The following PELO variants were observed in gnomAD, a reference collection of about 807,000 sequenced individuals.
PELO encodes protein pelota homolog.
A neutral mutation model predicts 25.9 loss-of-function variants in PELO; 19 were observed. The observed-to-expected ratio is 0.73, with a 90% CI of 0.51 to 1.08. The LOEUF is 1.08. PELO is among the 50% of genes least tolerant of loss of function. PELO has a pLI of 0.00. For missense variants in PELO, 498 were observed against 491.4 expected (o/e 1.01, Z -0.13); for synonymous variants, 196 against 192.2 (o/e 1.02, Z -0.16).
chr5:52,801,133 T>A lies in PELO; in HGVS notation c.726+13T>A. ...CAAATTTCTTCAGGTAAAACAATCT[T>A]ACCCAGGGATAATTAAGAATGGGCA... On this transcript the variant is annotated intron_variant, in intron 2 of 2. Coordinates refer to ENST00000274311, the MANE Select transcript of PELO (RefSeq NM_015946.5). 4 of 1,578,414 alleles carry A rather than the reference T, an allele frequency of 2.5e-6. No individual in the cohort carries two copies. The highest frequency in any genetic ancestry group is 1.8e-5 in the Admixed American group (1 of 56,470).
At chr5:52,798,382 C>T (rs935550223) in intron 1 of PELO, among the ~76,000 whole-genome samples, 3 of 138,060 alleles carry the variant, frequency 2.2e-5, no homozygotes, top group Admixed American at 7.5e-5. Context: ...GGGACCTTTC[C>T]GTCCCCTGAT....
chr5:52,801,799 C>A lies in PELO; in HGVS notation c.1117C>A (p.Leu373Ile), dbSNP rs1748494253. Residue 373 changes from leucine to isoleucine, a missense_variant, in exon 3 of 3, where the codon CTT (leucine) becomes ATT (isoleucine). Physicochemically the swap from Leu to Ile is conservative, Grantham distance 5. Transcript: ENST00000274311. ...AAILRFPVPE[L>I]SDQEGDSSSE... The stretch of plus-strand genomic sequence containing the variant: ...CATTCTCCGCTTCCCTGTTCCCGAA[C>A]TTTCTGACCAAGAGGGTGATTCCAG... 6.2e-7 allele frequency: 1 copy of A among 1,612,998 alleles called. No homozygotes were observed. Among genetic ancestry groups the A allele is most frequent in the Admixed American group, 1.7e-5 (1 of 59,952 alleles).
Position 52,788,313 on chromosome 5 carries a change from G to A in PELO, c.-612G>A. On this transcript the variant is annotated 5_prime_UTR_variant, in exon 1 of 3. Transcript: ENST00000274311. ...CAGCTCCCGCGCCCGGTCCTGCCCT[G>A]CGAACCAGCGCGGCCCCCTGGCGCT... 1.4e-6 allele frequency: 2 copies of A among 1,475,090 alleles called. No homozygotes were observed. The highest frequency in any genetic ancestry group is 1.8e-6 in the Non-Finnish European group (2 of 1,116,500). 91.4% of individuals were successfully genotyped at this position (1,475,090 alleles called of 1,614,324 possible).
intron 1 of PELO, among the ~76,000 whole-genome samples, chr5:52,793,576 T>C (rs1042020381): frequency 1.3e-5 from 2 of 152,062 alleles, no homozygotes; most frequent in African/African-American, 2.4e-5. Flanking sequence ...ATCAATAATA[T>C]ACAGTGTATG....
intron 1 of PELO, among the ~76,000 whole-genome samples, chr5:52,799,009 G>A (rs528357461): frequency 6.6e-5 from 10 of 152,096 alleles, no homozygotes; most frequent in South Asian, 2.1e-4. Flanking sequence ...CCTTCCACAC[G>A]CCTATGCCAA....
chr5:52,797,460 G>C (rs1252956003), intron 1 of PELO, among the ~76,000 whole-genome samples: 1 of 150,190 alleles, frequency 6.7e-6, no homozygotes, highest in Non-Finnish European at 1.5e-5. Context: ...AGGCTGGACA[G>C]AAGGAAAAAA....
Position 52,800,491 on chromosome 5 carries a change from G to C in PELO, c.97G>C (p.Val33Leu). 1 of 1,614,106 alleles carries C rather than the reference G, an allele frequency of 6.2e-7. No homozygotes were observed. The highest frequency in any genetic ancestry group is 8.5e-7 in the Non-Finnish European group (1 of 1,180,032). The change falls in exon 2 of 3, where the codon GTG (valine) becomes CTG (leucine). Residue 33 changes from valine (V) to leucine (L), a missense_variant. Transcript: ENST00000274311. ...PEDMWHTYNL[V>L]QVGDSLRAST... is the part of the protein sequence containing the mutation. Reference sequence around the variant, plus strand: ...GGACATGTGGCACACTTACAACCTCGTGCAGGTGGGCGACAGCCTGCGCGC... The same window carrying C: ...GGACATGTGGCACACTTACAACCTCCTGCAGGTGGGCGACAGCCTGCGCGC...
chr5:52,791,011 A>G (rs1359114435), intron 1 of PELO, among the ~76,000 whole-genome samples: 1 of 152,130 alleles, frequency 6.6e-6, no homozygotes, highest in South Asian at 2.1e-4. Context: ...CAGCCTTCCA[A>G]ACTGGGTTTA....
Position 52,788,344 on chromosome 5 carries a change from T to C in PELO, c.-581T>C, listed in dbSNP as rs1040894556. The C allele has an allele frequency of 5.3e-6, 8 of 1,503,386 alleles. No homozygotes were observed. The African/African-American group carries it at 1.2e-4, about 22-fold the overall frequency. The allele number at this position is 1,503,386 out of a possible 1,614,324, so 93.1% of individuals were successfully genotyped here. A position where few individuals can be genotyped will look rare whatever the true frequency, so the allele number is the denominator to read the frequency against. ...CAGCGCGGCCCCCTGGCGCTGAGGC[T>C]GCTCCGGCCATGGCCCCTCGGCCCC... On this transcript the variant is annotated 5_prime_UTR_variant, in exon 1 of 3. Coordinates refer to ENST00000274311, the MANE Select transcript of PELO (RefSeq NM_015946.5).
chr5:52,800,697 C>G lies in PELO; in HGVS notation c.303C>G (p.Thr101=), dbSNP rs371706485. The change falls in exon 2 of 3, where the codon ACC becomes ACG. Residue 101 remains threonine, a synonymous_variant. Coordinates refer to ENST00000274311, the MANE Select transcript of PELO (RefSeq NM_015946.5). ...ATGTCAAGATGGGGGCTTACCACACCATCGAGCTGGAGCCCAACCGCCAGT... is the reference window on the plus strand; with the variant it reads ...ATGTCAAGATGGGGGCTTACCACACGATCGAGCTGGAGCCCAACCGCCAGT... ...NEYVKMGAYH[T]IELEPNRQFT... is the part of the protein sequence containing the mutation. 1.9e-6 allele frequency: 3 copies of G among 1,614,068 alleles called. No homozygotes were observed. In the Admixed American group the frequency reaches 5.0e-5, roughly 27 times the overall value.
At position 52,800,670 on chromosome 5, in the gene PELO, G is replaced by C; in HGVS notation, c.276G>C (p.Glu92Asp). ...RVKGTNIQEN[E>D]YVKMGAYHTI... ...AGGGGACCAACATCCAAGAGAATGA[G>C]TATGTCAAGATGGGGGCTTACCACA... The change falls in exon 2 of 3, where the codon GAG (glutamate) becomes GAC (aspartate). Residue 92 changes from glutamate to aspartate, a missense_variant. Physicochemically the swap from Glu to Asp is conservative, Grantham distance 45. Transcript: ENST00000274311. 6.2e-7 allele frequency: 1 copy of C among 1,614,214 alleles called. No individual in the cohort carries two copies. The highest frequency in any genetic ancestry group is 1.3e-5 in the African/African-American group (1 of 75,056).
chr5:52,800,380 G>T lies in PELO; in HGVS notation c.-15G>T. On this transcript the variant is annotated 5_prime_UTR_variant, in exon 2 of 3. Coordinates refer to ENST00000274311, the MANE Select transcript of PELO (RefSeq NM_015946.5). ...TTGGTTCCTTTGGTTCTGTCAGTGA[G>T]CCCCTTCCTTGGCCATGAAGCTCGT... The T allele has an allele frequency of 6.2e-7, 1 of 1,613,408 alleles. No individual in the cohort carries two copies. The highest frequency in any genetic ancestry group is 1.1e-5 in the South Asian group (1 of 91,016).
At chr5:52,789,987 T>C (rs1375793561) in intron 1 of PELO, among the ~76,000 whole-genome samples, 2 of 152,220 alleles carry the variant, frequency 1.3e-5, no homozygotes, top group Non-Finnish European at 2.9e-5. Context: ...TTGTGTGCAC[T>C]ATATTTATGC....
chr5:52,797,055 T>A (rs1303876113), intron 1 of PELO, among the ~76,000 whole-genome samples: 2 of 152,076 alleles, frequency 1.3e-5, no homozygotes, highest in Non-Finnish European at 2.9e-5. Context: ...TAGACGTTAA[T>A]TCATAGGGAA....
Position 52,801,685 on chromosome 5 carries a change from A to G in PELO, c.1003A>G (p.Ser335Gly), listed in dbSNP as rs750034729. The G allele has an allele frequency of 1.2e-5, 20 of 1,614,090 alleles. 2 individuals are homozygous for G. The South Asian group carries it at 1.3e-4, about 11-fold the overall frequency. Residue 335 changes from serine (S) to glycine (G), a missense_variant, in exon 3 of 3, where the codon AGT becomes GGT. By Grantham distance (56) the Ser-to-Gly change is moderately conservative. Coordinates refer to ENST00000274311, the MANE Select transcript of PELO (RefSeq NM_015946.5). The part of the protein sequence containing the change: ...TRSRYVRLVD[S>G]VKENAGTVRI... Reference sequence around the variant, plus strand: ...GAGCCGGTATGTGAGGCTGGTGGACAGTGTGAAAGAGAATGCAGGCACCGT... The same window carrying G: ...GAGCCGGTATGTGAGGCTGGTGGACGGTGTGAAAGAGAATGCAGGCACCGT...
Position 52,802,327 on chromosome 5 carries a change from A to C in PELO, c.*487A>C, listed in dbSNP as rs1055500785. 6.6e-6 allele frequency: 1 copy of C among 152,150 alleles called. No homozygotes were observed. Among genetic ancestry groups the C allele is most frequent in the Non-Finnish European group, 1.5e-5 (1 of 68,084 alleles). The allele number at this position is 152,150 out of a possible 1,614,324, so 9.4% of individuals were successfully genotyped here. A position where few individuals can be genotyped will look rare whatever the true frequency, so the allele number is the denominator to read the frequency against. Reference sequence around the variant, plus strand: ...CCTCCACACACTACATTTTTTTTAGATTTAAATAGTTTTACTATTTTAAAT... The same window carrying C: ...CCTCCACACACTACATTTTTTTTAGCTTTAAATAGTTTTACTATTTTAAAT... On this transcript the variant is annotated 3_prime_UTR_variant, in exon 3 of 3. Coordinates refer to ENST00000274311, the MANE Select transcript of PELO (RefSeq NM_015946.5).
In PELO at chr5:52,800,638, C is replaced by T; in HGVS notation, c.244C>T (p.Arg82Trp). The T allele has an allele frequency of 1.2e-6, 2 of 1,614,058 alleles. No homozygotes were observed. Among genetic ancestry groups the T allele is most frequent in the Non-Finnish European group, 1.7e-6 (2 of 1,179,972 alleles). ...CTTCGACTCTCAAGCCTGCCAGCTGCGGGTTAAGGGGACCAACATCCAAGA... is the reference window on the plus strand; with the variant it reads ...CTTCGACTCTCAAGCCTGCCAGCTGTGGGTTAAGGGGACCAACATCCAAGA... ...IDFDSQACQL[R>W]VKGTNIQENE... is the part of the protein sequence containing the mutation. The change falls in exon 2 of 3, where the codon CGG (arginine) becomes TGG (tryptophan). Residue 82 changes from arginine to tryptophan, a missense_variant. Coordinates refer to ENST00000274311, the MANE Select transcript of PELO (RefSeq NM_015946.5).
chr5:52,790,574 C>T (rs1456050728), intron 1 of PELO, among the ~76,000 whole-genome samples: 1 of 152,208 alleles, frequency 6.6e-6, no homozygotes, highest in Non-Finnish European at 1.5e-5. Flanking sequence ...CCCCTTTCTC[C>T]ATCTTCAACC....
Position 52,803,676 on chromosome 5 carries a change from A to C in PELO, c.*1836A>C, listed in dbSNP as rs1197318559. 1 of 152,204 alleles carries C rather than the reference A, an allele frequency of 6.6e-6. No individual in the cohort carries two copies. The highest frequency in any genetic ancestry group is 1.5e-5 in the Non-Finnish European group (1 of 68,046). The allele number at this position is 152,204 out of a possible 1,614,324, so 9.4% of individuals were successfully genotyped here. ...TACCCAGATGATTCCAATAGGCGTC[A>C]AGGCTAATAGCCACTGATTCAGGCC... On this transcript the variant is annotated 3_prime_UTR_variant, in exon 3 of 3. Coordinates refer to ENST00000274311, the MANE Select transcript of PELO (RefSeq NM_015946.5).
Sources: gnomAD v4.1 joint callset for allele counts (sites outside exome capture counted in the v4.1 genomes callset) on GRCh38, gnomAD v4.1.1 for gene constraint, MANE v1.5 for transcripts, NCBI Gene and HGNC (gene_info 2026-07-23, HGNC 2026-07-21) for gene names.